AKR1C8: variants seen among roughly 807,000 people sequenced by gnomAD.
The protein encoded by AKR1C8 is aldo-keto reductase family 1 member C-like protein 1.
chr10:5,129,017 C>A, the AKR1C8 span, among the ~76,000 whole-genome samples: 2 of 151,970 alleles, frequency 1.3e-5, no homozygotes, highest in African/African-American at 4.8e-5. Flanking sequence ...CCAAGATAGA[C>A]GATATGATAG....
the AKR1C8 span, among the ~76,000 whole-genome samples, chr10:5,149,303 T>C: frequency 1.3e-5 from 2 of 152,090 alleles, no homozygotes; most frequent in African/African-American, 2.4e-5. Context: ...CAAAGACAAA[T>C]AATGATAGAA....
At chr10:5,120,922 G>T in the AKR1C8 span, among the ~76,000 whole-genome samples, 6 of 152,152 alleles carry the variant, frequency 3.9e-5, no homozygotes, top group Admixed American at 3.9e-4. Context: ...GCAGCAAAAT[G>T]AGCATATATT....
At chr10:5,177,212 C>T in the AKR1C8 span, among the ~76,000 whole-genome samples, 215 of 151,960 alleles carry the variant, frequency 1.4e-3, no homozygotes, top group African/African-American at 4.4e-3. Context: ...TGTCAAAGGC[C>T]TTTTCTGCAT....
the AKR1C8 span, among the ~76,000 whole-genome samples, chr10:5,152,605 T>C: frequency 6.6e-6 from 1 of 152,190 alleles, no homozygotes; most frequent in Admixed American, 6.5e-5. Context: ...GTGGAAATGC[T>C]GTGGGGAAGA....
At chr10:5,168,833 G>T in the AKR1C8 span, among the ~76,000 whole-genome samples, 2 of 152,104 alleles carry the variant, frequency 1.3e-5, no homozygotes, top group Admixed American at 1.3e-4. Flanking sequence ...CCATAGAGGT[G>T]TGAAAAAGAA....
At chr10:5,179,107 T>C in the AKR1C8 span, among the ~76,000 whole-genome samples, 8 of 152,322 alleles carry the variant, frequency 5.3e-5, no homozygotes, top group African/African-American at 1.7e-4. Flanking sequence ...GATTTTGCAG[T>C]GGCTGGTACT....
the AKR1C8 span, among the ~76,000 whole-genome samples, chr10:5,128,738 T>C: frequency 6.6e-6 from 1 of 151,982 alleles, no homozygotes; most frequent in Non-Finnish European, 1.5e-5. Flanking sequence ...CAAGAATATA[T>C]TACAATCTTA....
At chr10:5,165,931 G>A in the AKR1C8 span, among the ~76,000 whole-genome samples, 1 of 152,050 alleles carries the variant, frequency 6.6e-6, no homozygotes, top group Non-Finnish European at 1.5e-5. Flanking sequence ...AACTTGTTCA[G>A]ATCTATGGGT....
the AKR1C8 span, among the ~76,000 whole-genome samples, chr10:5,135,610 T>C: frequency 6.6e-6 from 1 of 152,244 alleles, no homozygotes; most frequent in East Asian, 1.9e-4. Flanking sequence ...CATAAATTCC[T>C]CCAATAGATT....
At chr10:5,169,767 A>C in the AKR1C8 span, among the ~76,000 whole-genome samples, 1 of 152,200 alleles carries the variant, frequency 6.6e-6, no homozygotes, top group East Asian at 1.9e-4. Context: ...ATAGTAAATA[A>C]TTTCCATTAA....
chr10:5,124,760 G>A, the AKR1C8 span, among the ~76,000 whole-genome samples: 3 of 152,006 alleles, frequency 2.0e-5, no homozygotes, highest in Non-Finnish European at 1.5e-5. Context: ...TAATTGCAAA[G>A]GGGAAAACAC....
the AKR1C8 span, among the ~76,000 whole-genome samples, chr10:5,169,814 A>G: frequency 6.6e-6 from 1 of 152,130 alleles, no homozygotes; most frequent in Non-Finnish European, 1.5e-5. Context: ...GGAGAGGTAG[A>G]AAAAATAAAA....
the AKR1C8 span, among the ~76,000 whole-genome samples, chr10:5,115,845 C>G: frequency 6.6e-6 from 1 of 152,008 alleles, no homozygotes; most frequent in Non-Finnish European, 1.5e-5. Flanking sequence ...TATACATGCA[C>G]AAATATGGTT....
chr10:5,150,573 G>A, the AKR1C8 span, among the ~76,000 whole-genome samples: 1 of 152,066 alleles, frequency 6.6e-6, no homozygotes, highest in East Asian at 1.9e-4. Flanking sequence ...GACTTTAGGA[G>A]CCCTAATATT....
At chr10:5,118,264 C>T in the AKR1C8 span, among the ~76,000 whole-genome samples, 1 of 152,154 alleles carries the variant, frequency 6.6e-6, no homozygotes, top group Non-Finnish European at 1.5e-5. Context: ...AAACAGGACT[C>T]ATGGAAATCA....
chr10:5,118,659 AC>A, the AKR1C8 span, among the ~76,000 whole-genome samples: 1 of 152,062 alleles, frequency 6.6e-6, no homozygotes, highest in South Asian at 2.1e-4. Flanking sequence ...TCATAGAAAA[AC>A]TTTTGCTTCT....
chr10:5,175,428 A>G, the AKR1C8 span, among the ~76,000 whole-genome samples: 1 of 152,138 alleles, frequency 6.6e-6, no homozygotes, highest in Admixed American at 6.5e-5. Flanking sequence ...TAGTGCTGCA[A>G]TAAACATATG....
At chr10:5,135,316 A>C in the AKR1C8 span, 1 of 159,254 alleles carries the variant, frequency 6.3e-6, no homozygotes, top group Non-Finnish European at 1.4e-5. Context: ...ATGGGCAGGC[A>C]ATGCTACACT....
At chr10:5,134,140 G>C in the AKR1C8 span, among the ~76,000 whole-genome samples, 1 of 152,110 alleles carries the variant, frequency 6.6e-6, no homozygotes, top group Non-Finnish European at 1.5e-5. Context: ...AAAGGAACTA[G>C]ATGCCAGGTC....
Sources: allele counts gnomAD v4.1 joint callset (sites outside exome capture counted in the v4.1 genomes callset), GRCh38; gene constraint gnomAD v4.1.1; transcripts MANE v1.5; gene names NCBI Gene and HGNC (gene_info 2026-07-23, HGNC 2026-07-21).